Variants in KAZN observed in about 807,000 individuals in gnomAD.
KAZN encodes the protein kazrin, periplakin interacting protein, also known as kazrin.
A neutral mutation model predicts 87.4 loss-of-function variants in KAZN; 40 were observed. The ratio of observed to expected loss-of-function variants is 0.46; its 90% CI spans 0.36 to 0.60. The LOEUF (loss-of-function observed/expected upper bound fraction) is 0.60. KAZN is among the 20% of genes least tolerant of loss of function. The pLI, the probability that KAZN is intolerant of heterozygous loss-of-function variation, is 0.00. For synonymous variants in KAZN, 466 were observed against 458.3 expected (o/e 1.02, Z -0.22); for missense variants, 898 against 1,073.9 (o/e 0.84, Z 2.29).
At chr1:13,950,028 G>A (rs773863652) in intron 1 of KAZN, among the ~76,000 whole-genome samples, 5 of 152,112 alleles carry the variant, frequency 3.3e-5, no homozygotes, top group East Asian at 1.9e-4. Context: ...TCCAGATCCC[G>A]CCCCTGCCTT....
In KAZN at chr1:15,099,285, G is replaced by A. The variant is rs1233810677; in HGVS notation, c.1548-2258G>A. On this transcript the variant is annotated intron_variant, in intron 10 of 14. Transcript: ENST00000376030. The surrounding 1 kb of genome is among the most constrained non-coding windows in gnomAD (Gnocchi z 5.4). ...AGTGTCTACTGTGCACGTAGACTGT[G>A]CTGTTTGGCAGTGAACGCAGTTTCT... Among the ~76,000 whole-genome samples the A allele has an allele frequency of 1.3e-5, 2 of 152,224 alleles. No homozygotes were observed. Among genetic ancestry groups the A allele is most frequent in the Non-Finnish European group, 2.9e-5 (2 of 68,038 alleles).
At position 14,820,809 on chromosome 1, in the gene KAZN, T is replaced by C. The variant is rs1239953534; in HGVS notation, c.227-139875T>C. On this transcript the variant is annotated intron_variant, in intron 1 of 14. Coordinates refer to ENST00000376030, the MANE Select transcript of KAZN (RefSeq NM_201628.3). This position sits in a 1 kb window ranked among gnomAD's most constrained non-coding sequence, Gnocchi z 4.1. ...AAGAGCAGTGGGGCACAGTGGGGAG[T>C]GAAGGGGGCCATGGCAGTCTGATGC... 6.6e-6 allele frequency among the ~76,000 whole-genome samples: 1 copy of C among 150,886 alleles called. No individual in the cohort carries two copies. Among genetic ancestry groups the C allele is most frequent in the African/African-American group, 2.4e-5 (1 of 40,990 alleles).
chr1:14,426,692 G>C (rs1048621486), intron 2 of KAZN, among the ~76,000 whole-genome samples: 2 of 152,128 alleles, frequency 1.3e-5, no homozygotes, highest in Non-Finnish European at 2.9e-5. Flanking sequence ...GTAGTCATGA[G>C]GGAGACAAGT....
At chr1:15,013,868 A>T (rs1458701543) in intron 2 of KAZN, among the ~76,000 whole-genome samples, 2 of 152,008 alleles carry the variant, frequency 1.3e-5, no homozygotes, top group African/African-American at 4.8e-5. Context: ...GATTGGGGTG[A>T]GGTGGGGCAG....
At chr1:14,414,470 T>C (rs1664580472) in intron 2 of KAZN, among the ~76,000 whole-genome samples, 3 of 152,076 alleles carry the variant, frequency 2.0e-5, no homozygotes, top group Non-Finnish European at 2.9e-5. Context: ...GTTAAAATGA[T>C]TGAACCAGGA....
chr1:14,422,413 T>A (rs1665484519), intron 2 of KAZN, among the ~76,000 whole-genome samples: 1 of 152,234 alleles, frequency 6.6e-6, no homozygotes, highest in Admixed American at 6.5e-5. Flanking sequence ...AGTATGAGGC[T>A]GGCCCAGAAC....
At chr1:14,807,685 T>C (rs866468470) in intron 1 of KAZN, among the ~76,000 whole-genome samples, 1 of 152,012 alleles carries the variant, frequency 6.6e-6, no homozygotes, top group East Asian at 1.9e-4. Context: ...AGTAGGATCA[T>C]CTCATCTCAG....
At chr1:14,597,363 A>T (rs1349765301), upstream of KAZN, among the ~76,000 whole-genome samples, 3 of 152,160 alleles carry the variant, frequency 2.0e-5, no homozygotes, top group African/African-American at 4.8e-5. Context: ...TCCACAGAAA[A>T]GGGGGGAGAA....
Position 15,016,039 on chromosome 1 carries a change from G to A in KAZN, c.419-18710G>A, listed in dbSNP as rs547938298. ...CTCATTTGCAAACAGATTCTTGGCC[G>A]ATGGTGTTAAGGTGAAGATCTCGAG... On this transcript the variant is annotated intron_variant, in intron 2 of 14. Transcript: ENST00000376030. 6.6e-5 allele frequency among the ~76,000 whole-genome samples: 10 copies of A among 152,308 alleles called. No individual in the cohort carries two copies. The South Asian group carries it at 1.4e-3, about 22-fold the overall frequency.
intron 1 of KAZN, among the ~76,000 whole-genome samples, chr1:14,632,761 C>G (rs760719003): frequency 1.2e-4 from 19 of 152,092 alleles, no homozygotes; most frequent in Non-Finnish European, 2.5e-4. Context: ...CGCAGGTACC[C>G]TCTGCAGCCC....
In KAZN at chr1:14,016,538, A is replaced by T. The variant is rs369267821; in HGVS notation, c.91+122782A>T. On this transcript the variant is annotated intron_variant, in intron 1 of 16. Transcript: ENST00000636203. Reference sequence around the variant, plus strand: ...CTCTCAAAGGATCAGTGTTGGGGGCATGTTTATGAGATTGTACACAATCCA... The same window carrying T: ...CTCTCAAAGGATCAGTGTTGGGGGCTTGTTTATGAGATTGTACACAATCCA... Among the ~76,000 whole-genome samples the T allele has an allele frequency of 6.6e-4, 100 of 152,124 alleles. 4 individuals are homozygous for T. The South Asian group carries it at 0.019, about 29-fold the overall frequency.
At chr1:14,388,184 G>A (rs1460289582) in intron 2 of KAZN, among the ~76,000 whole-genome samples, 1 of 152,160 alleles carries the variant, frequency 6.6e-6, no homozygotes, top group Non-Finnish European at 1.5e-5. Context: ...GGCACACGGT[G>A]CGAGCACCCC....
At chr1:14,680,680 T>TC (rs1400800221) in intron 1 of KAZN, among the ~76,000 whole-genome samples, 5 of 152,170 alleles carry the variant, frequency 3.3e-5, no homozygotes, top group African/African-American at 1.2e-4. Flanking sequence ...TTCTCATTGT[T>TC]TAACTCCCAT....
chr1:14,164,206 G>A (rs1211912034), intron 1 of KAZN, among the ~76,000 whole-genome samples: 1 of 152,134 alleles, frequency 6.6e-6, no homozygotes, highest in Admixed American at 6.5e-5. Flanking sequence ...AGAGTGGCCT[G>A]GCCAAATCAT....
intron 2 of KAZN, among the ~76,000 whole-genome samples, chr1:14,264,087 G>C (rs113713039): frequency 6.6e-6 from 1 of 152,304 alleles, no homozygotes; most frequent in South Asian, 2.1e-4. Flanking sequence ...CAGTTCTGTA[G>C]GTCTGAAATC....
chr1:14,343,127 CAA>C, intron 2 of KAZN, among the ~76,000 whole-genome samples: 1 of 152,176 alleles, frequency 6.6e-6, no homozygotes, highest in South Asian at 2.1e-4. Context: ...GCCTGGGAGA[CAA>C]GAGCAAAACT....
intron 2 of KAZN, among the ~76,000 whole-genome samples, chr1:14,218,297 CAT>C (rs35019630): frequency 0.46 from 70,182 of 151,756 alleles, 17,486 homozygotes; most frequent in Non-Finnish European, 0.56. Flanking sequence ...TTGGAAGTAT[CAT>C]ATACATTGTG....
chr1:14,011,484 A>C (rs971601048), intron 1 of KAZN, among the ~76,000 whole-genome samples: 1 of 152,298 alleles, frequency 6.6e-6, no homozygotes, highest in Non-Finnish European at 1.5e-5. Flanking sequence ...CCTCCTGGAA[A>C]TCATTGGTCC....
intron 2 of KAZN, among the ~76,000 whole-genome samples, chr1:15,030,627 G>A (rs371490705): frequency 2.6e-5 from 4 of 152,328 alleles, no homozygotes; most frequent in African/African-American, 9.6e-5. Context: ...ATCATGTTAG[G>A]GGGCAGGGCA....
Sources: allele counts gnomAD v4.1 joint callset (sites outside exome capture counted in the v4.1 genomes callset), GRCh38; gene constraint gnomAD v4.1.1; non-coding constraint Gnocchi (gnomAD v3.1); transcripts MANE v1.5; gene names NCBI Gene and HGNC (gene_info 2026-07-23, HGNC 2026-07-21).